The following INPP4B variants were observed in gnomAD, a reference collection of about 807,000 sequenced individuals.
INPP4B encodes the protein inositol polyphosphate 4-phosphatase type II.
Under a neutral mutation model 122.5 loss-of-function variants are expected in INPP4B, and 55 were observed. That is an observed-to-expected ratio of 0.45 (90% CI 0.36 to 0.56). The LOEUF is 0.56. Ranked by LOEUF, INPP4B falls within the 20% of genes least tolerant of loss-of-function variation. INPP4B has a pLI of 0.00. For missense variants in INPP4B, 1,000 were observed against 1,097.7 expected (o/e 0.91, Z 1.26); for synonymous variants, 403 against 388.7 (o/e 1.04, Z -0.43).
intron 2 of INPP4B, among the ~76,000 whole-genome samples, chr4:142,557,892 C>T (rs1041296709): frequency 6.6e-6 from 1 of 152,166 alleles, no homozygotes; most frequent in African/African-American, 2.4e-5. Context: ...ACCCCTTCTA[C>T]GTTCTGGTTC....
intron 17 of INPP4B, 39 bp from the exon 18 acceptor site, chr4:142,146,035 A>G (rs1367236019): frequency 7.6e-6 from 12 of 1,581,796 alleles, no homozygotes; most frequent in Non-Finnish European, 1.0e-5. Flanking sequence ...TTTTTGTCAC[A>G]AAAACAAGAT....
intron 9 of INPP4B, among the ~76,000 whole-genome samples, chr4:142,293,117 C>A (rs1218494330): frequency 6.6e-6 from 1 of 150,544 alleles, no homozygotes; most frequent in Non-Finnish European, 1.5e-5. Context: ...TGGCTGACTG[C>A]AACCTCCACT....
chr4:142,263,206 A>G (rs759543122), intron 10 of INPP4B, among the ~76,000 whole-genome samples: 66 of 152,196 alleles, frequency 4.3e-4, no homozygotes, highest in Non-Finnish European at 8.2e-4. Context: ...GCTGTGCTCA[A>G]TGGGAGGACT....
At chr4:142,820,903 G>C (rs891620865) in intron 1 of INPP4B, among the ~76,000 whole-genome samples, 1 of 152,066 alleles carries the variant, frequency 6.6e-6, no homozygotes, top group East Asian at 1.9e-4. Context: ...AATTTATTTA[G>C]CTTAGTCCGA....
intron 2 of INPP4B, among the ~76,000 whole-genome samples, chr4:142,550,620 ATTT>A (rs35788366): frequency 0.38 from 35,434 of 92,440 alleles, 5,386 homozygotes; most frequent in East Asian, 0.8. Context: ...ATATATATAT[ATTT>A]TTTTTTTTAC....
At chr4:142,338,520 G>A (rs1247360168) in intron 7 of INPP4B, among the ~76,000 whole-genome samples, 2 of 152,170 alleles carry the variant, frequency 1.3e-5, no homozygotes, top group East Asian at 3.9e-4. Context: ...TTACAGGCGT[G>A]AGCCACCAGG....
intron 13 of INPP4B, among the ~76,000 whole-genome samples, 161 bp downstream of exon 13, chr4:142,208,735 G>A (rs1249782785): frequency 6.6e-6 from 1 of 151,734 alleles, no homozygotes; most frequent in East Asian, 1.9e-4. Context: ...GTAAAATAGG[G>A]TAGTTTTTTC....
chr4:142,048,314 T>C (rs761210671), intron 25 of INPP4B, among the ~76,000 whole-genome samples: 1 of 152,112 alleles, frequency 6.6e-6, no homozygotes, highest in African/African-American at 2.4e-5. Context: ...ACAGAATATG[T>C]AGGACAGCTC....
At chr4:142,822,795 T>C (rs185885773) in intron 1 of INPP4B, among the ~76,000 whole-genome samples, 1 of 152,274 alleles carries the variant, frequency 6.6e-6, no homozygotes, top group East Asian at 1.9e-4. Flanking sequence ...TTTTACATAG[T>C]CTCTTAGCCT....
intron 25 of INPP4B, among the ~76,000 whole-genome samples, chr4:142,049,518 G>GT (rs1306643874): frequency 6.6e-6 from 1 of 151,960 alleles, no homozygotes; most frequent in Non-Finnish European, 1.5e-5. Context: ...AAATAAGGTT[G>GT]TTTTTTACAT....
intron 2 of INPP4B, among the ~76,000 whole-genome samples, chr4:142,510,804 T>C (rs1253892317): frequency 6.6e-6 from 1 of 152,202 alleles, no homozygotes; most frequent in Admixed American, 6.5e-5. Context: ...CATTAGTGTA[T>C]GAGAAGTAAA....
At chr4:142,486,277 C>T (rs1821184105) in intron 2 of INPP4B, among the ~76,000 whole-genome samples, 1 of 152,174 alleles carries the variant, frequency 6.6e-6, no homozygotes, top group South Asian at 2.1e-4. Flanking sequence ...TCCATTTGTT[C>T]TACATTCTCA....
intron 14 of INPP4B, among the ~76,000 whole-genome samples, chr4:142,195,237 A>G (rs945864584): frequency 1.3e-5 from 2 of 152,198 alleles, no homozygotes; most frequent in African/African-American, 4.8e-5. Context: ...AAAATAGTCA[A>G]CCTCATAAAA....
intron 1 of INPP4B, among the ~76,000 whole-genome samples, chr4:142,779,243 T>A (rs1419680902): frequency 1.3e-5 from 2 of 152,092 alleles, no homozygotes. Flanking sequence ...GTATTAAATA[T>A]ATATCTTAGA....
Position 142,449,467 on chromosome 4 carries a change from G to A in INPP4B, c.-127+13196C>T, listed in dbSNP as rs138408179. ...GCCTGTAATCCCAGCACTTTGGGAG[G>A]TTGAGGCGGGTGGATCATGAGGTCA... On this transcript the variant is annotated intron_variant, in intron 3 of 25. Coordinates refer to ENST00000262992, the MANE Select transcript of INPP4B (RefSeq NM_001101669.3). Among the ~76,000 whole-genome samples the A allele has an allele frequency of 3.7e-3, 568 of 152,288 alleles. 5 individuals carry two copies. The highest frequency in any genetic ancestry group is 0.013 in the African/African-American group (546 of 41,562).
At chr4:142,054,300 G>A (rs1389919374) in intron 25 of INPP4B, among the ~76,000 whole-genome samples, 10 of 151,254 alleles carry the variant, frequency 6.6e-5, no homozygotes, top group Admixed American at 6.6e-4. Flanking sequence ...TTTAGCATCT[G>A]GAAACACCAC....
In INPP4B at chr4:142,200,083, G is replaced by T. The variant is rs145757386; in HGVS notation, c.1073-6888C>A. ...TAATTAGAATTCTTCTGAAAGGCAT[G>T]GTTAACTCTTCTCCTCCATTCATTT... On this transcript the variant is annotated intron_variant, in intron 14 of 25. Coordinates refer to ENST00000262992, the MANE Select transcript of INPP4B (RefSeq NM_001101669.3). Among the ~76,000 whole-genome samples, 422 of 151,826 alleles carry T rather than the reference G, an allele frequency of 2.8e-3. 1 individual carries two copies. Among genetic ancestry groups the T allele is most frequent in the African/African-American group, 9.8e-3 (406 of 41,420 alleles).
At chr4:142,183,772 A>G (rs1250721279) in intron 15 of INPP4B, among the ~76,000 whole-genome samples, 1 of 152,194 alleles carries the variant, frequency 6.6e-6, no homozygotes, top group East Asian at 1.9e-4. Context: ...CGTAACTTCT[A>G]ATTTACAGAA....
intron 2 of INPP4B, among the ~76,000 whole-genome samples, chr4:142,555,907 TTCTG>T (rs964833046): frequency 6.6e-6 from 1 of 151,968 alleles, no homozygotes; most frequent in African/African-American, 2.4e-5. Flanking sequence ...ATTTCTATGT[TTCTG>T]TCTACTAGCA....
Sources: allele counts gnomAD v4.1 joint callset (sites outside exome capture counted in the v4.1 genomes callset), GRCh38; gene constraint gnomAD v4.1.1; transcripts MANE v1.5; gene names NCBI Gene and HGNC (gene_info 2026-07-23, HGNC 2026-07-21).